The following PARL variants were observed in gnomAD, a reference collection of about 807,000 sequenced individuals.
PARL encodes presenilin associated rhomboid like.
In PARL, 44 loss-of-function variants were observed where a neutral mutation model predicts 51.6. The observed-to-expected ratio is 0.85, with a 90% CI of 0.67 to 1.10. The LOEUF (loss-of-function observed/expected upper bound fraction) is 1.10, where lower values mean the gene tolerates loss of function less well. PARL is among the 50% of genes least tolerant of loss of function. The probability of loss-of-function intolerance (pLI) is 0.00; values close to 1 mark genes in which losing one functional copy is unlikely to be tolerated. For synonymous variants in PARL, 172 were observed against 164.0 expected, an observed-to-expected ratio of 1.05 and a Z score of -0.37; for missense variants, 441 against 469.5, an observed-to-expected ratio of 0.94 and a Z score of 0.56.
At chr3:183,859,948 C>T (rs918815789) in intron 4 of PARL, among the ~76,000 whole-genome samples, 10 of 151,896 alleles carry the variant, frequency 6.6e-5, no homozygotes, top group Non-Finnish European at 1.2e-4. Context: ...AGCTTTCATG[C>T]TGCCATTGTC....
downstream of PARL, among the ~76,000 whole-genome samples, chr3:183,827,917 C>T (rs186008087): frequency 5.3e-4 from 81 of 152,236 alleles, no homozygotes; most frequent in African/African-American, 1.8e-3. Context: ...ACGGCAGCCA[C>T]GGCATGTTCC....
chr3:183,880,603 C>T (rs888662291), intron 1 of PARL, among the ~76,000 whole-genome samples: 6 of 151,614 alleles, frequency 4.0e-5, no homozygotes, highest in South Asian at 2.1e-4. Context: ...GGTTTCACCA[C>T]GTTGGCCAGG....
intron 9 of PARL, 40 bp from the exon 10 acceptor site, chr3:183,829,749 G>A (rs1727705718): frequency 3.3e-6 from 5 of 1,504,664 alleles, no homozygotes; most frequent in Admixed American, 1.7e-5. Flanking sequence ...CAAACAGTGT[G>A]ACATACAAAT....
At chr3:183,879,945 G>T (rs1392474263) in intron 1 of PARL, among the ~76,000 whole-genome samples, 1 of 146,374 alleles carries the variant, frequency 6.8e-6, no homozygotes, top group Non-Finnish European at 1.5e-5. Context: ...TGGCCAGGCT[G>T]GTCTCGAACT....
intron 3 of PARL, among the ~76,000 whole-genome samples, chr3:183,865,089 T>C (rs1732311435): frequency 6.6e-6 from 1 of 151,070 alleles, no homozygotes; most frequent in Non-Finnish European, 1.5e-5. Flanking sequence ...GGGAGATCAC[T>C]TGAGGTCAGG....
chr3:183,875,388 C>T (rs1294899770), intron 1 of PARL, among the ~76,000 whole-genome samples: 13 of 121,566 alleles, frequency 1.1e-4, no homozygotes, highest in Non-Finnish European at 1.9e-4. Context: ...GCACTCCAGC[C>T]TGGGCGACAG....
intron 6 of PARL, among the ~76,000 whole-genome samples, chr3:183,841,161 G>C (rs571390805): frequency 1.0e-3 from 157 of 152,290 alleles, no homozygotes; most frequent in African/African-American, 3.7e-3. Flanking sequence ...TGGGACAACA[G>C]ACTGGATGAT....
intron 7 of PARL, among the ~76,000 whole-genome samples, chr3:183,835,079 A>G: frequency 6.6e-6 from 1 of 151,616 alleles, no homozygotes; most frequent in East Asian, 1.9e-4. Context: ...AAAACAAACA[A>G]ACAAAAAAGA....
At chr3:183,846,506 C>T (rs1729970489) in intron 4 of PARL, 4 of 981,862 alleles carry the variant, frequency 4.1e-6, no homozygotes, top group Non-Finnish European at 4.8e-6. Flanking sequence ...AAAAAAAAAG[C>T]GGGGGGAAAG....
At chr3:183,831,030 G>A (rs1474883359) in intron 9 of PARL, among the ~76,000 whole-genome samples, 2 of 152,200 alleles carry the variant, frequency 1.3e-5, no homozygotes, top group African/African-American at 4.8e-5. Context: ...AGGCTGGAGT[G>A]CAGTGGCGTG....
At chr3:183,826,893 ACAGT>A (rs1371234925), downstream of PARL, among the ~76,000 whole-genome samples, 1 of 152,178 alleles carries the variant, frequency 6.6e-6, no homozygotes, top group Non-Finnish European at 1.5e-5. Flanking sequence ...TGATCAAACA[ACAGT>A]CAAAGAGCAG....
intron 7 of PARL, among the ~76,000 whole-genome samples, chr3:183,839,538 C>G (rs1208518781): frequency 1.3e-5 from 2 of 151,924 alleles, no homozygotes; most frequent in Non-Finnish European, 2.9e-5. Context: ...CCTGCCTCAG[C>G]CTCCCGAGTA....
intron 1 of PARL, among the ~76,000 whole-genome samples, chr3:183,873,146 G>A (rs1392481943): frequency 6.6e-6 from 1 of 152,134 alleles, no homozygotes; most frequent in Non-Finnish European, 1.5e-5. Flanking sequence ...ATCAAAACAA[G>A]TAATGCCACT....
At chr3:183,862,540 A>G (rs1731958206) in intron 4 of PARL, 1 of 558,990 alleles carries the variant, frequency 1.8e-6, no homozygotes, top group South Asian at 2.1e-5. Context: ...TCAGTATCAT[A>G]CTAAATCAAA....
chr3:183,842,158 C>T, intron 6 of PARL, 140 bp downstream of exon 6: 1 of 883,526 alleles, frequency 1.1e-6, no homozygotes. Context: ...TGGCTCCCTT[C>T]TCTACATACA....
At chr3:183,866,977 G>A (rs1245067440) in intron 2 of PARL, among the ~76,000 whole-genome samples, 2 of 151,846 alleles carry the variant, frequency 1.3e-5, no homozygotes, top group African/African-American at 2.4e-5. Context: ...GTAATGGTGC[G>A]ATATGGGCTC....
Position 183,884,745 on chromosome 3 carries a change from G to A in PARL, c.102C>T (p.Thr34=), listed in dbSNP as rs754415046. 7 of 1,580,194 alleles carry A rather than the reference G, an allele frequency of 4.4e-6. No individual in the cohort carries two copies. In the African/African-American group the frequency reaches 8.1e-5, roughly 18 times the overall value. The stretch of plus-strand genomic sequence containing the variant: ...ACCTGCGTCCGAGGAGCTGCGGCGG[G>A]GTTAGGACCGCAGTGAGCTCCTCGC... ...RSCEELTAVL[T]PPQLLGRRFN... is the part of the protein sequence containing the mutation. Residue 34 remains threonine (T), a synonymous_variant, in exon 1 of 10, where the codon ACC becomes ACT. Transcript: ENST00000317096.
chr3:183,862,881 G>C lies in PARL; in HGVS notation c.463-80C>G. On this transcript the variant is annotated intron_variant, in intron 3 of 9. Transcript: ENST00000317096. ...ATGAAAAACCAGAAGAAAATGCCTC[G>C]CACATAAGAGGAATTCCTCTTCTGC... 4 of 1,053,414 alleles carry C rather than the reference G, an allele frequency of 3.8e-6. No homozygotes were observed. The South Asian group carries it at 5.1e-5, about 13-fold the overall frequency. The allele number at this position is 1,053,414 out of a possible 1,614,324, so 65.3% of individuals were successfully genotyped here. A position where few individuals can be genotyped will look rare whatever the true frequency, so the allele number is the denominator to read the frequency against.
At chr3:183,832,968 T>C (rs1728127231) in intron 9 of PARL, among the ~76,000 whole-genome samples, 1 of 152,184 alleles carries the variant, frequency 6.6e-6, no homozygotes, top group South Asian at 2.1e-4. Flanking sequence ...TAGTATAACA[T>C]AAGGGAACTA....
Sources: gnomAD v4.1 joint callset for allele counts (sites outside exome capture counted in the v4.1 genomes callset) on GRCh38, gnomAD v4.1.1 for gene constraint, MANE v1.5 for transcripts, NCBI Gene and HGNC (gene_info 2026-07-23, HGNC 2026-07-21) for gene names.